MARCHF4: variants seen among roughly 807,000 people sequenced by gnomAD.
MARCHF4 encodes the protein membrane associated ring-CH-type finger 4, also known as E3 ubiquitin-protein ligase MARCHF4.
A neutral mutation model predicts 43.9 loss-of-function variants in MARCHF4; 14 were observed. The ratio of observed to expected loss-of-function variants is 0.32; its 90% confidence interval spans 0.21 to 0.50. The LOEUF is 0.50. MARCHF4 is among the 20% of genes least tolerant of loss of function. The pLI is 0.98. For missense variants in MARCHF4, 468 were observed against 536.7 expected (o/e 0.87, Z 1.27); for synonymous variants, 226 against 213.3 (o/e 1.06, Z -0.52).
chr2:216,345,509 C>G (rs556425437), intron 1 of MARCHF4, among the ~76,000 whole-genome samples: 4 of 152,282 alleles, frequency 2.6e-5, no homozygotes, highest in African/African-American at 9.6e-5. Context: ...CCACTTCCCC[C>G]TTCCTGGGAT....
chr2:216,267,445 A>G (rs1690863972), intron 3 of MARCHF4, among the ~76,000 whole-genome samples: 1 of 152,174 alleles, frequency 6.6e-6, no homozygotes, highest in Admixed American at 6.5e-5. Flanking sequence ...GAGGCAAAAG[A>G]CTCAGCAGCC....
At chr2:216,278,979 C>A (rs1691079730) in intron 2 of MARCHF4, among the ~76,000 whole-genome samples, 3 of 152,178 alleles carry the variant, frequency 2.0e-5, no homozygotes, top group African/African-American at 7.2e-5. Flanking sequence ...GGCCACTATG[C>A]TAGGTGTTGG....
Position 216,335,283 on chromosome 2 carries a change from A to G in MARCHF4, c.516+34462T>C, listed in dbSNP as rs184322939. ...ACCATCAGAAGGATTTAAAATAGAA[A>G]CTGATATGCCATTGAGAAATTGACA... On this transcript the variant is annotated intron_variant, in intron 1 of 3. Coordinates refer to ENST00000273067, the MANE Select transcript of MARCHF4 (RefSeq NM_020814.3). Among the ~76,000 whole-genome samples the G allele has an allele frequency of 4.7e-4, 71 of 152,328 alleles. No individual in the cohort carries two copies. In the East Asian group the frequency reaches 9.6e-3, roughly 21 times the overall value.
At chr2:216,359,971 G>A (rs1289542720) in intron 1 of MARCHF4, among the ~76,000 whole-genome samples, 1 of 152,042 alleles carries the variant, frequency 6.6e-6, no homozygotes, top group Admixed American at 6.6e-5. Flanking sequence ...TCTGTTCCTT[G>A]TTCCAGAACC....
intron 1 of MARCHF4, among the ~76,000 whole-genome samples, chr2:216,322,215 G>A (rs1485052772): frequency 2.0e-5 from 3 of 152,174 alleles, no homozygotes; most frequent in Non-Finnish European, 4.4e-5. Flanking sequence ...TGTTTAGCAG[G>A]ACCAACTTAC....
Position 216,370,002 on chromosome 2 carries a change from AC to A in MARCHF4, c.258del (p.Trp87GlyfsTer72), listed in dbSNP as rs1559109946. 3 of 1,538,830 alleles carry A rather than the reference AC, an allele frequency of 1.9e-6. No individual in the cohort carries two copies. Among genetic ancestry groups the A allele is most frequent in the Admixed American group, 4.0e-5 (2 of 50,612 alleles). On this transcript the variant is annotated frameshift_variant, in exon 1 of 4. Coordinates refer to ENST00000273067, the MANE Select transcript of MARCHF4 (RefSeq NM_020814.3). LOFTEE classifies it high-confidence loss of function. ...NNTLPALGAG[G>X]WAGWRGPREV... ...TCTCGGGGGCCCCTCCAGCCTGCCCACCCCCCGGCGCCCAGAGCCGGAAGGG... is the reference window on the plus strand; with the variant it reads ...TCTCGGGGGCCCCTCCAGCCTGCCCACCCCCGGCGCCCAGAGCCGGAAGGG...
chr2:216,281,454 G>A (rs1424526615), intron 2 of MARCHF4, among the ~76,000 whole-genome samples: 1 of 152,196 alleles, frequency 6.6e-6, no homozygotes, highest in African/African-American at 2.4e-5. Flanking sequence ...AGCAGAGGCA[G>A]GCCTGGGATT....
chr2:216,325,088 T>C (rs1483748813), intron 1 of MARCHF4, among the ~76,000 whole-genome samples: 2 of 152,122 alleles, frequency 1.3e-5, no homozygotes, highest in African/African-American at 4.8e-5. Context: ...CCCAAAATCT[T>C]CTTAAGCTGA....
chr2:216,343,472 CCCACCCTTCCTAATA>C (rs771675737), intron 1 of MARCHF4, among the ~76,000 whole-genome samples: 2 of 152,078 alleles, frequency 1.3e-5, no homozygotes, highest in Non-Finnish European at 2.9e-5. Flanking sequence ...TCCTAAAGTC[CCCACCCTTCCTAATA>C]CCATCACATC....
At chr2:216,299,967 C>A (rs1691460342) in intron 1 of MARCHF4, among the ~76,000 whole-genome samples, 1 of 152,156 alleles carries the variant, frequency 6.6e-6, no homozygotes, top group African/African-American at 2.4e-5. Flanking sequence ...CCTTTCAAGC[C>A]TCTATTTGCA....
intron 1 of MARCHF4, among the ~76,000 whole-genome samples, chr2:216,331,374 A>G: frequency 6.6e-6 from 1 of 152,114 alleles, no homozygotes; most frequent in East Asian, 1.9e-4. Flanking sequence ...TCTTCACACA[A>G]AGAAAACTCT....
chr2:216,260,520 A>T (rs1353195065), intron 3 of MARCHF4, among the ~76,000 whole-genome samples: 1 of 152,228 alleles, frequency 6.6e-6, no homozygotes, highest in African/African-American at 2.4e-5. Context: ...AGATCCATGC[A>T]AAGATCTGGA....
chr2:216,263,705 C>T (rs1387256167), intron 3 of MARCHF4, among the ~76,000 whole-genome samples: 1 of 152,098 alleles, frequency 6.6e-6, no homozygotes, highest in Non-Finnish European at 1.5e-5. Context: ...CCACAAGACA[C>T]AGTGTGTGTG....
intron 1 of MARCHF4, among the ~76,000 whole-genome samples, chr2:216,285,359 T>C (rs957015863): frequency 8.5e-5 from 13 of 152,160 alleles, no homozygotes; most frequent in Non-Finnish European, 1.3e-4. Flanking sequence ...GGTTCCCCAC[T>C]CTGCTCCTCC....
intron 1 of MARCHF4, among the ~76,000 whole-genome samples, chr2:216,336,767 A>AG (rs397964100): frequency 6.9e-6 from 1 of 144,956 alleles, no homozygotes; most frequent in African/African-American, 2.6e-5. Flanking sequence ...AAAAAAAAAA[A>AG]GCTTTCTGGA....
chr2:216,364,715 C>A (rs1692639557), intron 1 of MARCHF4, among the ~76,000 whole-genome samples: 1 of 152,180 alleles, frequency 6.6e-6, no homozygotes, highest in African/African-American at 2.4e-5. Context: ...GCCAGCAGGA[C>A]TGTCCATACA....
intron 1 of MARCHF4, among the ~76,000 whole-genome samples, chr2:216,333,683 T>C (rs1419726136): frequency 6.6e-6 from 1 of 152,156 alleles, no homozygotes; most frequent in Non-Finnish European, 1.5e-5. Context: ...ACTAAAATAA[T>C]CTCTTTTGAG....
chr2:216,354,634 G>T (rs1574486509), intron 1 of MARCHF4, among the ~76,000 whole-genome samples: 1 of 152,278 alleles, frequency 6.6e-6, no homozygotes, highest in Non-Finnish European at 1.5e-5. Flanking sequence ...TCTTTTTGCT[G>T]CCACTAGACC....
At chr2:216,320,178 A>G (rs1691856935) in intron 1 of MARCHF4, among the ~76,000 whole-genome samples, 1 of 152,258 alleles carries the variant, frequency 6.6e-6, no homozygotes, top group Admixed American at 6.5e-5. Context: ...CGTAAACTAT[A>G]TCAGCTGTTA....
Sources: gnomAD v4.1 joint callset for allele counts (sites outside exome capture counted in the v4.1 genomes callset) on GRCh38, gnomAD v4.1.1 for gene constraint, MANE v1.5 for transcripts, NCBI Gene and HGNC (gene_info 2026-07-23, HGNC 2026-07-21) for gene names.